The following DRICH1 variants were observed in gnomAD, a reference collection of about 807,000 sequenced individuals.
The protein encoded by DRICH1 is aspartate-rich protein 1.
A neutral mutation model predicts 39.5 loss-of-function variants in DRICH1; 38 were observed. That is an observed-to-expected ratio of 0.96 (90% CI 0.74 to 1.26). The LOEUF (loss-of-function observed/expected upper bound fraction) is 1.26, where lower values mean the gene tolerates loss of function less well. Among genes scored for constraint, DRICH1 ranks in the 50% most tolerant of loss-of-function variants. DRICH1 has a pLI of 0.00. For missense variants in DRICH1, 279 were observed against 270.4 expected (o/e 1.03, Z -0.22); for synonymous variants, 84 against 99.5 (o/e 0.84, Z 0.93).
chr22:23,626,836 C>A (rs1167360723), intron 1 of DRICH1, among the ~76,000 whole-genome samples: 1 of 1,640 alleles, frequency 6.1e-4, no homozygotes, highest in Non-Finnish European at 0.012. Context: ...ACTGAAGGAA[C>A]CACTTTTAAC....
At chr22:23,612,136 C>G (rs1927069548) in intron 11 of DRICH1, among the ~76,000 whole-genome samples, 1 of 152,148 alleles carries the variant, frequency 6.6e-6, no homozygotes, top group Non-Finnish European at 1.5e-5. Flanking sequence ...CAAAAATACT[C>G]AAAGCACCAT....
Position 23,624,898 on chromosome 22 carries a change from G to A in DRICH1, c.283C>T (p.Pro95Ser), listed in dbSNP as rs1927969347. 1.2e-6 allele frequency: 2 copies of A among 1,613,584 alleles called. No homozygotes were observed. The highest frequency in any genetic ancestry group is 1.7e-6 in the Non-Finnish European group (2 of 1,179,520). Residue 95 changes from proline (P) to serine (S), a missense_variant, in exon 3 of 12, where the codon CCA (proline) becomes TCA (serine). Coordinates refer to ENST00000317749, the MANE Select transcript of DRICH1 (RefSeq NM_016449.4). ...EEDNDDAKIL[P>S]SPVQGSSEDN... ...AGGTACGTACCCTGGACAGGTGATGGTAAAATCTGCAATGAGACAAAAGAA... is the reference window on the plus strand; with the variant it reads ...AGGTACGTACCCTGGACAGGTGATGATAAAATCTGCAATGAGACAAAAGAA...
intron 4 of DRICH1, among the ~76,000 whole-genome samples, chr22:23,621,331 T>C (rs981349230): frequency 1.3e-5 from 2 of 152,008 alleles, no homozygotes; most frequent in African/African-American, 2.4e-5. Context: ...CCCAGCTACT[T>C]AGGTCATAGG....
At position 23,629,775 on chromosome 22, in the gene DRICH1, G is replaced by T. The variant is rs571792252; in HGVS notation, c.208+2041C>A. Among the ~76,000 whole-genome samples, 7 of 151,964 alleles carry T rather than the reference G, an allele frequency of 4.6e-5. No individual in the cohort carries two copies. The South Asian group carries it at 6.3e-4, about 14-fold the overall frequency. On this transcript the variant is annotated intron_variant, in intron 1 of 11. Transcript: ENST00000317749. ...TAGGACTACAGGTATGGGCCACCAT[G>T]GCCAGCTAATTTTTGTATTTTTATT...
Position 23,613,803 on chromosome 22 carries a change from AC to A in DRICH1, c.622-144del, listed in dbSNP as rs1047403501. The A allele has an allele frequency of 8.5e-4, 548 of 644,234 alleles. 1 individual carries two copies. Among genetic ancestry groups the A allele is most frequent in the Non-Finnish European group, 9.6e-4 (355 of 369,530 alleles). The allele number at this position is 644,234 out of a possible 1,614,324, so 39.9% of individuals were successfully genotyped here. A position where few individuals can be genotyped will look rare whatever the true frequency, so the allele number is the denominator to read the frequency against. On this transcript the variant is annotated intron_variant, in intron 9 of 11. Transcript: ENST00000317749. ...AGGTCAAAGTCCCCCAAAGACTAGC[AC>A]AGAGGATAGCTATAGAAAAACAAGA...
the DRICH1 span, among the ~76,000 whole-genome samples, chr22:23,598,536 C>G: frequency 8.5e-3 from 1,261 of 148,846 alleles, 5 homozygotes; most frequent in African/African-American, 0.029. Flanking sequence ...TTTTCTGTCT[C>G]ACCCTGTGGC....
the DRICH1 span, among the ~76,000 whole-genome samples, chr22:23,589,342 T>C: frequency 2.6e-5 from 4 of 151,898 alleles, no homozygotes; most frequent in Non-Finnish European, 5.9e-5. Context: ...CCCCAGCTAC[T>C]TGGGAGGCTG....
the DRICH1 span, among the ~76,000 whole-genome samples, chr22:23,590,173 G>A: frequency 6.6e-6 from 1 of 152,170 alleles, no homozygotes; most frequent in South Asian, 2.1e-4. Context: ...TCCTGGCTAG[G>A]GGTGAGGTGA....
chr22:23,613,199 C>T, intron 11 of DRICH1, 90 bp downstream of exon 11: 2 of 927,668 alleles, frequency 2.2e-6, no homozygotes, highest in Non-Finnish European at 3.6e-6. Flanking sequence ...ATACCCCCTC[C>T]TTCAGCCCCT....
At position 23,608,768 on chromosome 22, in the gene DRICH1, C is replaced by T. The variant is rs147123796; in HGVS notation, c.686G>A (p.Gly229Glu). 1 of 1,560,638 alleles carries T rather than the reference C, an allele frequency of 6.4e-7. No homozygotes were observed. The highest frequency in any genetic ancestry group is 1.2e-5 in the South Asian group (1 of 84,740). Reference sequence around the variant, plus strand: ...GGTCAGCTCCACAGAAGGGCTTCACCCTGGATGAAGAGATAATCCCTTTTT... The same window carrying T: ...GGTCAGCTCCACAGAAGGGCTTCACTCTGGATGAAGAGATAATCCCTTTTT... Reference protein sequence around the residue: ...ESLSDEEIHPG With the variant: ...ESLSDEEIHPE Residue 229 changes from glycine (G) to glutamate (E), a missense_variant and splice_region_variant, in exon 12 of 12, where the codon GGG becomes GAG. Coordinates refer to ENST00000317749, the MANE Select transcript of DRICH1 (RefSeq NM_016449.4).
chr22:23,591,581 G>A, the DRICH1 span, among the ~76,000 whole-genome samples: 2 of 152,108 alleles, frequency 1.3e-5, no homozygotes, highest in African/African-American at 2.4e-5. Context: ...AATTTCTGCT[G>A]ACCTCATCCA....
chr22:23,626,684 A>G (rs1224645863), intron 1 of DRICH1, among the ~76,000 whole-genome samples: 2 of 152,136 alleles, frequency 1.3e-5, no homozygotes, highest in Non-Finnish European at 2.9e-5. Flanking sequence ...CCAGCCTCCT[A>G]CTGCAGGTGA....
downstream of DRICH1, among the ~76,000 whole-genome samples, chr22:23,607,841 C>G (rs1926823514): frequency 6.6e-6 from 1 of 152,248 alleles, no homozygotes; most frequent in South Asian, 2.1e-4. Context: ...CTTTCTGTGT[C>G]ATCCCCAAGG....
chr22:23,625,877 G>T, intron 2 of DRICH1, 104 bp downstream of exon 2: 1 of 881,678 alleles, frequency 1.1e-6, no homozygotes, highest in Non-Finnish European at 1.9e-6. Flanking sequence ...TACTTTTGCT[G>T]TTCTGCAGGC....
intron 7 of DRICH1, 62 bp downstream of exon 7, chr22:23,617,513 G>C: frequency 6.4e-7 from 1 of 1,567,746 alleles, no homozygotes; most frequent in Non-Finnish European, 8.8e-7. Flanking sequence ...TTGGATTGGT[G>C]AGTTTGTTTC....
At chr22:23,587,411 G>C in the DRICH1 span, among the ~76,000 whole-genome samples, 1 of 152,170 alleles carries the variant, frequency 6.6e-6, no homozygotes, top group Admixed American at 6.5e-5. Context: ...CAGTTGGCTG[G>C]ATTTACTCAT....
At chr22:23,593,012 C>T in the DRICH1 span, among the ~76,000 whole-genome samples, 2 of 150,550 alleles carry the variant, frequency 1.3e-5, no homozygotes, top group East Asian at 3.9e-4. Context: ...AGCCTGGCAA[C>T]AGAGTGAGGC....
chr22:23,594,544 T>G, the DRICH1 span, among the ~76,000 whole-genome samples: 1 of 152,100 alleles, frequency 6.6e-6, no homozygotes. Context: ...CACTCCAGAG[T>G]GAAACCACGC....
At chr22:23,592,066 C>T in the DRICH1 span, among the ~76,000 whole-genome samples, 1 of 152,232 alleles carries the variant, frequency 6.6e-6, no homozygotes, top group Admixed American at 6.5e-5. Flanking sequence ...ACGTCCTTCC[C>T]TCCAGCGGAA....
Sources: allele counts gnomAD v4.1 joint callset (sites outside exome capture counted in the v4.1 genomes callset), GRCh38; gene constraint gnomAD v4.1.1; transcripts MANE v1.5; gene names NCBI Gene and HGNC (gene_info 2026-07-23, HGNC 2026-07-21).